Variants in PAGE2B observed in about 807,000 individuals in gnomAD.
The protein encoded by PAGE2B is PAGE family member 2B.
PAGE2B carries 5 observed loss-of-function variants against 7.6 expected under a neutral mutation model. That is an observed-to-expected ratio of 0.66 (90% CI 0.34 to 1.38). The LOEUF is 1.38. Among genes scored for constraint, PAGE2B ranks in the 40% most tolerant of loss-of-function variants. The pLI is 0.04. For missense variants in PAGE2B, 70 were observed against 78.4 expected (o/e 0.89, Z 0.41); for synonymous variants, 29 against 26.7 (o/e 1.09, Z -0.27).
the PAGE2B span, chrX:55,045,146 T>C: frequency 8.9e-6 from 1 of 112,158 alleles, no homozygotes; most frequent in Admixed American, 9.5e-5. Context: ...TGTATTTCCT[T>C]AAGACTAATT....
At chrX:55,034,785 C>CAT in the PAGE2B span, among the ~76,000 whole-genome samples, 13 of 107,722 alleles carry the variant, frequency 1.2e-4, no homozygotes, top group East Asian at 2.9e-4. Context: ...CATATACATA[C>CAT]ATATATATAT....
At chrX:55,062,146 A>G in the PAGE2B span, among the ~76,000 whole-genome samples, 6 of 111,249 alleles carry the variant, frequency 5.4e-5, no homozygotes, top group East Asian at 2.8e-4. Context: ...TGGTAGCTCT[A>G]TTTTTAGTTT....
At chrX:55,061,681 G>A in the PAGE2B span, among the ~76,000 whole-genome samples, 16 of 110,644 alleles carry the variant, frequency 1.4e-4, no homozygotes, top group Admixed American at 4.8e-4. Context: ...CAAATATTAG[G>A]TCTTATTCAT....
At chrX:55,042,510 C>T in the PAGE2B span, among the ~76,000 whole-genome samples, 20 of 106,124 alleles carry the variant, frequency 1.9e-4, no homozygotes, top group South Asian at 8.5e-4. Context: ...AAAAATTAGC[C>T]GGGCGTAGTG....
chrX:55,072,876 C>T (rs1936463476), upstream of PAGE2B, among the ~76,000 whole-genome samples: 1 of 111,704 alleles, frequency 9.0e-6, no homozygotes, highest in Non-Finnish European at 1.9e-5. Flanking sequence ...CAGGGGAAAA[C>T]CACCTTCTCA....
chrX:55,077,304 T>G, intron 3 of PAGE2B, 95 bp from the exon 4 acceptor site: 11 of 1,159,964 alleles, frequency 9.5e-6, no homozygotes, highest in Non-Finnish European at 1.3e-5. Flanking sequence ...GCCTACAGGT[T>G]TTTACTTCAT....
chrX:55,051,882 G>T, the PAGE2B span, among the ~76,000 whole-genome samples: 1 of 111,967 alleles, frequency 8.9e-6, no homozygotes, highest in South Asian at 3.7e-4. Flanking sequence ...GAGGAGAGGT[G>T]CTCTGATTTT....
chrX:55,059,224 C>G, the PAGE2B span, among the ~76,000 whole-genome samples: 2 of 111,501 alleles, frequency 1.8e-5, no homozygotes, highest in Non-Finnish European at 3.8e-5. Flanking sequence ...TGAGGTCTCT[C>G]TCTCTTTGGC....
At chrX:55,029,166 A>G in the PAGE2B span, among the ~76,000 whole-genome samples, 1 of 112,113 alleles carries the variant, frequency 8.9e-6, no homozygotes. Flanking sequence ...GGGAAGTCAC[A>G]TGAATATACC....
chrX:55,038,077 A>T, the PAGE2B span, among the ~76,000 whole-genome samples: 1 of 110,696 alleles, frequency 9.0e-6, no homozygotes, highest in Admixed American at 9.7e-5. Flanking sequence ...TAAAAAAAAG[A>T]AAAACTGCAA....
the PAGE2B span, among the ~76,000 whole-genome samples, chrX:55,054,061 A>G: frequency 9.0e-6 from 1 of 111,384 alleles, no homozygotes; most frequent in Non-Finnish European, 1.9e-5. Context: ...TAAAAATACA[A>G]AAATTAGCTG....
chrX:55,050,108 T>G, the PAGE2B span, among the ~76,000 whole-genome samples: 1 of 112,733 alleles, frequency 8.9e-6, no homozygotes, highest in African/African-American at 3.2e-5. Context: ...TTCCATGTAG[T>G]TGAGCGGTTT....
At chrX:55,043,216 A>C in the PAGE2B span, among the ~76,000 whole-genome samples, 1 of 112,045 alleles carries the variant, frequency 8.9e-6, no homozygotes, top group African/African-American at 3.2e-5. Context: ...TAAATCTAAG[A>C]CCTGAAACCA....
chrX:55,050,123 T>C, the PAGE2B span, among the ~76,000 whole-genome samples: 1 of 112,720 alleles, frequency 8.9e-6, no homozygotes, highest in Non-Finnish European at 1.9e-5. Flanking sequence ...CGGTTTTCAG[T>C]GAGTTTCTTA....
chrX:55,050,265 T>C, the PAGE2B span, among the ~76,000 whole-genome samples: 5 of 111,854 alleles, frequency 4.5e-5, no homozygotes, highest in Admixed American at 9.5e-5. Flanking sequence ...GGTGTGTTGC[T>C]GAAAAGAATG....
intron 1 of PAGE2B, 95 bp from the exon 2 acceptor site, chrX:55,075,939 T>C: frequency 2.3e-6 from 2 of 888,763 alleles, no homozygotes; most frequent in Non-Finnish European, 3.1e-6. Context: ...ATTTTCAAAA[T>C]TAAAAAAATA....
At chrX:55,037,374 A>G in the PAGE2B span, among the ~76,000 whole-genome samples, 3 of 111,673 alleles carry the variant, frequency 2.7e-5, no homozygotes, top group Middle Eastern at 4.6e-3. Flanking sequence ...ACCAGTTAGA[A>G]TGGCAATCAT....
At chrX:55,048,637 A>AT in the PAGE2B span, among the ~76,000 whole-genome samples, 1 of 111,495 alleles carries the variant, frequency 9.0e-6, no homozygotes, top group East Asian at 2.8e-4. Context: ...AATGCTTGTG[A>AT]TTTTTGCACA....
chrX:55,056,731 C>T, the PAGE2B span, among the ~76,000 whole-genome samples: 13 of 111,261 alleles, frequency 1.2e-4, no homozygotes, highest in Admixed American at 6.7e-4. Context: ...TTTTGGAATA[C>T]CTGCCACTAT....
Sources: gnomAD v4.1 joint callset for allele counts (sites outside exome capture counted in the v4.1 genomes callset) on GRCh38, gnomAD v4.1.1 for gene constraint, MANE v1.5 for transcripts, NCBI Gene and HGNC (gene_info 2026-07-23, HGNC 2026-07-21) for gene names.